PTPRD: variants seen among roughly 807,000 people sequenced by gnomAD.
The protein encoded by PTPRD is protein tyrosine phosphatase receptor type D, also known as receptor-type tyrosine-protein phosphatase delta.
A neutral mutation model predicts 214.5 loss-of-function variants in PTPRD; 34 were observed. The observed-to-expected ratio is 0.16, with a 90% CI of 0.12 to 0.21. The LOEUF (loss-of-function observed/expected upper bound fraction) is 0.21. PTPRD is among the 10% of genes least tolerant of loss of function. The pLI is 1.00. For missense variants in PTPRD, 2,545 were observed against 2,398.7 expected (o/e 1.06, Z -1.27); for synonymous variants, 1,128 against 845.7 (o/e 1.33, Z -5.79).
chr9:9,849,680 A>C (rs560750283), intron 5 of PTPRD, among the ~76,000 whole-genome samples: 1 of 152,224 alleles, frequency 6.6e-6, no homozygotes, highest in African/African-American at 2.4e-5. Flanking sequence ...ATCTTAGTTC[A>C]TGATCTTCAG....
intron 5 of PTPRD, among the ~76,000 whole-genome samples, chr9:9,924,922 A>C (rs747997546): frequency 1.3e-5 from 2 of 152,118 alleles, no homozygotes; most frequent in South Asian, 4.1e-4. Context: ...GCTAGAGTGC[A>C]TGAAATACTA....
At chr9:10,339,934 C>T (rs973150358) in intron 3 of PTPRD, among the ~76,000 whole-genome samples, 1 of 151,652 alleles carries the variant, frequency 6.6e-6, no homozygotes, top group Non-Finnish European at 1.5e-5. Flanking sequence ...GAAATAACAC[C>T]TTATTCTTCA....
At chr9:10,606,653 A>G (rs2079480111) in intron 2 of PTPRD, among the ~76,000 whole-genome samples, 1 of 151,628 alleles carries the variant, frequency 6.6e-6, no homozygotes, top group African/African-American at 2.4e-5. Flanking sequence ...CTTTATCTTA[A>G]CTGAGCAAGG....
intron 9 of PTPRD, among the ~76,000 whole-genome samples, chr9:9,349,003 T>C (rs1191910745): frequency 6.6e-6 from 1 of 152,122 alleles, no homozygotes; most frequent in Non-Finnish European, 1.5e-5. Flanking sequence ...TATACATCTA[T>C]TATCAGATTT....
At chr9:9,845,978 A>G (rs1337214045) in intron 5 of PTPRD, among the ~76,000 whole-genome samples, 2 of 152,092 alleles carry the variant, frequency 1.3e-5, no homozygotes, top group African/African-American at 4.8e-5. Context: ...CATTACCAAC[A>G]ACTGGGAGGA....
intron 11 of PTPRD, among the ~76,000 whole-genome samples, chr9:8,838,770 C>T (rs1472749559): frequency 6.6e-5 from 10 of 151,662 alleles, no homozygotes; most frequent in Non-Finnish European, 1.5e-4. Flanking sequence ...AGATACTTCA[C>T]CTAAATAAGT....
At chr9:10,117,294 T>C (rs62537309) in intron 3 of PTPRD, among the ~76,000 whole-genome samples, 2,386 of 152,248 alleles carry the variant, frequency 0.016, 22 homozygotes, top group Non-Finnish European at 0.022. Flanking sequence ...CCTGAGAAGT[T>C]AGACAGAAAG....
chr9:9,603,193 G>A (rs1228796709), intron 7 of PTPRD, among the ~76,000 whole-genome samples: 1 of 152,112 alleles, frequency 6.6e-6, no homozygotes, highest in Non-Finnish European at 1.5e-5. Flanking sequence ...CATTAAGACT[G>A]AACATATGTG....
intron 9 of PTPRD, among the ~76,000 whole-genome samples, chr9:9,385,417 C>G (rs990641581): frequency 6.6e-6 from 1 of 152,140 alleles, no homozygotes; most frequent in African/African-American, 2.4e-5. Context: ...ACTAGACAAT[C>G]TTTCACAAGG....
intron 5 of PTPRD, among the ~76,000 whole-genome samples, chr9:9,814,658 T>C (rs1033848440): frequency 6.6e-6 from 1 of 152,136 alleles, no homozygotes; most frequent in African/African-American, 2.4e-5. Context: ...AATAAAATGT[T>C]CAAATGTCCA....
chr9:10,599,623 C>T (rs962705582), intron 2 of PTPRD, among the ~76,000 whole-genome samples: 3 of 151,740 alleles, frequency 2.0e-5, no homozygotes, highest in African/African-American at 7.3e-5. Flanking sequence ...AATATTGCAA[C>T]ATTTTCTTCA....
intron 2 of PTPRD, among the ~76,000 whole-genome samples, chr9:10,547,321 C>A (rs1433593035): frequency 1.4e-5 from 2 of 148,068 alleles, no homozygotes; most frequent in African/African-American, 5.0e-5. Context: ...TTTTTTTTTT[C>A]TTTTAAGTCA....
intron 5 of PTPRD, among the ~76,000 whole-genome samples, chr9:9,792,359 G>T (rs1028023628): frequency 6.6e-6 from 1 of 152,138 alleles, no homozygotes; most frequent in Non-Finnish European, 1.5e-5. Context: ...CACAAAGGAA[G>T]GGTAGAAGGA....
At chr9:9,157,017 T>C (rs1056099940) in intron 10 of PTPRD, among the ~76,000 whole-genome samples, 27 of 152,232 alleles carry the variant, frequency 1.8e-4, no homozygotes, top group African/African-American at 6.3e-4. Context: ...TTTCAGTTTT[T>C]TGGACAAGAA....
chr9:8,497,318 A>G (rs763294433), intron 25 of PTPRD, 50 bp from the exon 26 acceptor site: 32 of 1,513,748 alleles, frequency 2.1e-5, no homozygotes, highest in African/African-American at 4.2e-5. Context: ...AAAGAAAAAG[A>G]ATTTAAAGCC....
chr9:8,396,758 A>G lies in PTPRD; in HGVS notation c.4211-7351T>C, dbSNP rs1234804736. ...AACAGCACTTGCTTGGCTACATGTA[A>G]GAGAAAGATGCCATTTACACAGCTC... On this transcript the variant is annotated intron_variant, in intron 36 of 45. Coordinates refer to ENST00000381196, the MANE Select transcript of PTPRD (RefSeq NM_002839.4). 2.0e-5 allele frequency among the ~76,000 whole-genome samples: 3 copies of G among 152,180 alleles called. No individual in the cohort carries two copies. The South Asian group carries it at 6.2e-4, about 32-fold the overall frequency.
chr9:8,533,383 A>G (rs1205720344), intron 14 of PTPRD, among the ~76,000 whole-genome samples: 2 of 152,042 alleles, frequency 1.3e-5, no homozygotes, highest in African/African-American at 4.8e-5. Flanking sequence ...AAAAATCCCA[A>G]TTTTTAAGAT....
chr9:10,232,019 TGTGTGTGTGA>T (rs1331466750), intron 3 of PTPRD, among the ~76,000 whole-genome samples: 17 of 151,108 alleles, frequency 1.1e-4, no homozygotes, highest in South Asian at 1.0e-3. Context: ...TGTGTGTGTG[TGTGTGTGTGA>T]GGTGCACTCT....
At chr9:8,390,046 C>G (rs1166745277) in intron 36 of PTPRD, among the ~76,000 whole-genome samples, 1 of 152,152 alleles carries the variant, frequency 6.6e-6, no homozygotes, top group African/African-American at 2.4e-5. Flanking sequence ...TAAAGTATTG[C>G]TTCTCATTTA....
Sources: gnomAD v4.1 joint callset for allele counts (sites outside exome capture counted in the v4.1 genomes callset) on GRCh38, gnomAD v4.1.1 for gene constraint, MANE v1.5 for transcripts, NCBI Gene and HGNC (gene_info 2026-07-23, HGNC 2026-07-21) for gene names.